AUTS2: variants seen among roughly 807,000 people sequenced by gnomAD.
AUTS2 encodes the protein autism susceptibility gene 2 protein.
A neutral mutation model predicts 112.4 loss-of-function variants in AUTS2; 17 were observed. The observed-to-expected ratio is 0.15, with a 90% CI of 0.10 to 0.23. AUTS2 has a LOEUF of 0.23. AUTS2 is among the 10% of genes least tolerant of loss of function. The pLI is 1.00. For synonymous variants in AUTS2, 751 were observed against 702.7 expected (o/e 1.07, Z -1.09); for missense variants, 1,510 against 1,701.6 (o/e 0.89, Z 1.98).
intron 6 of AUTS2, chr7:70,699,389 G>A (rs1365333933): frequency 6.6e-6 from 1 of 152,198 alleles, no homozygotes; most frequent in Non-Finnish European, 1.5e-5. Context: ...AAGTAAAGAT[G>A]TGCTTTCTGT....
At chr7:70,435,924 A>G in intron 5 of AUTS2, 143 bp downstream of exon 5, 1 of 819,352 alleles carries the variant, frequency 1.2e-6, no homozygotes, top group Admixed American at 2.3e-5. Context: ...TTATTCACAC[A>G]GTGACATTTC....
intron 6 of AUTS2, among the ~76,000 whole-genome samples, chr7:70,733,471 G>A (rs1585592447): frequency 6.6e-6 from 1 of 152,182 alleles, no homozygotes; most frequent in South Asian, 2.1e-4. Context: ...ATACAGAAAA[G>A]TGAAGATCAT....
chr7:70,429,211 A>G (rs1025469551), intron 4 of AUTS2, among the ~76,000 whole-genome samples: 34 of 152,232 alleles, frequency 2.2e-4, no homozygotes, highest in African/African-American at 6.0e-4. Flanking sequence ...ACAATACTCA[A>G]GAAGAATGAG....
chr7:69,876,325 C>CA lies in AUTS2; in HGVS notation c.310-22936dup, dbSNP rs1167965776. On this transcript the variant is annotated intron_variant, in intron 1 of 18. Coordinates refer to ENST00000342771, the MANE Select transcript of AUTS2 (RefSeq NM_015570.4). ...TGGGTGATGGAGCGAGACTCTGTCT[C>CA]AAAAAAAAAAAAAAAAAAAAAAAAA... Among the ~76,000 whole-genome samples the CA allele has an allele frequency of 2.1e-3, 56 of 26,172 alleles. 3 individuals carry two copies. The highest frequency in any genetic ancestry group is 7.6e-3 in the African/African-American group (37 of 4,892). 17.2% of individuals were successfully genotyped at this position (26,172 alleles called of 152,430 possible). A position where few individuals can be genotyped will look rare whatever the true frequency, so the allele number is the denominator to read the frequency against.
rs1791107536 is a variant in AUTS2, at chr7:70,781,852, C to T, written c.2146+96C>T. The T allele has an allele frequency of 8.1e-6, 12 of 1,484,268 alleles. No individual in the cohort carries two copies. The East Asian group carries it at 2.8e-4, about 34-fold the overall frequency. 91.9% of individuals were successfully genotyped at this position (1,484,268 alleles called of 1,614,324 possible). ...TGGGCTCTGAGCTGCCGCTCAGTCA[C>T]CACCTACAAAAATACAGTTAATGCC... On this transcript the variant is annotated intron_variant, in intron 15 of 18. Transcript: ENST00000342771.
chr7:70,608,388 AGT>A (rs1456654681), intron 5 of AUTS2, among the ~76,000 whole-genome samples: 9 of 152,294 alleles, frequency 5.9e-5, no homozygotes, highest in African/African-American at 1.9e-4. Flanking sequence ...TACAGGTGTG[AGT>A]CACTGCATCC....
At chr7:70,268,738 A>G (rs1214739260) in intron 4 of AUTS2, among the ~76,000 whole-genome samples, 1 of 152,180 alleles carries the variant, frequency 6.6e-6, no homozygotes, top group African/African-American at 2.4e-5. Context: ...GGGTTAGTTT[A>G]TTATTATTGC....
chr7:70,101,692 TCAAAAAA>T (rs1233156367), intron 2 of AUTS2, among the ~76,000 whole-genome samples: 3 of 151,694 alleles, frequency 2.0e-5, no homozygotes, highest in African/African-American at 7.3e-5. Context: ...GAGACCTATC[TCAAAAAA>T]CAAAAAACAA....
At chr7:70,691,277 G>A (rs909171737) in intron 5 of AUTS2, among the ~76,000 whole-genome samples, 1 of 152,086 alleles carries the variant, frequency 6.6e-6, no homozygotes, top group Admixed American at 6.5e-5. Context: ...CTTAGATTGG[G>A]TTCAGAGGCT....
chr7:70,786,158 T>C, intron 17 of AUTS2, 120 bp downstream of exon 17: 1 of 828,414 alleles, frequency 1.2e-6, no homozygotes. Context: ...GTGTAGGTTA[T>C]ATCACTGCAA....
chr7:70,593,260 A>G (rs185137041), intron 5 of AUTS2, among the ~76,000 whole-genome samples: 78 of 152,354 alleles, frequency 5.1e-4, no homozygotes, highest in Middle Eastern at 6.8e-3. Flanking sequence ...TAACACAAAT[A>G]AAGCACTTAG....
At chr7:70,363,466 A>G (rs10709865) in intron 4 of AUTS2, among the ~76,000 whole-genome samples, 2 of 37,504 alleles carry the variant, frequency 5.3e-5, no homozygotes, top group East Asian at 3.0e-3. Context: ...TAAAAAAAAG[A>G]AAAAAAAAAA....
Position 69,599,908 on chromosome 7 carries a change from G to A in AUTS2, c.255G>A (p.Glu85=). The A allele has an allele frequency of 6.2e-7, 1 of 1,613,662 alleles. No homozygotes were observed. The highest frequency in any genetic ancestry group is 1.1e-5 in the South Asian group (1 of 91,080). Residue 85 remains glutamate, a synonymous_variant, in exon 1 of 19, where the codon GAG becomes GAA. Transcript: ENST00000342771. This position sits in a 1 kb window ranked among gnomAD's most constrained non-coding sequence, Gnocchi z 7.0. ...RKRRESTSAE[E]DIIDGFAMTS... is the part of the protein sequence containing the mutation. ...GGAGAGAGTCCACCTCGGCAGAAGA[G>A]GACATCATTGATGGATTTGCCATGA...
intron 2 of AUTS2, among the ~76,000 whole-genome samples, chr7:70,073,544 C>T (rs1802889007): frequency 6.6e-6 from 1 of 151,758 alleles, no homozygotes; most frequent in Admixed American, 6.6e-5. Context: ...ATGGGTCAGC[C>T]TTGAGTAGTG....
At chr7:70,042,739 G>A (rs951049042) in intron 2 of AUTS2, among the ~76,000 whole-genome samples, 1 of 152,166 alleles carries the variant, frequency 6.6e-6, no homozygotes, top group African/African-American at 2.4e-5. Flanking sequence ...TCTGCATGAA[G>A]TCTTTATGAA....
chr7:70,681,911 C>T (rs188681053), intron 5 of AUTS2, among the ~76,000 whole-genome samples: 13 of 152,282 alleles, frequency 8.5e-5, no homozygotes, highest in Admixed American at 3.3e-4. Flanking sequence ...CTCCCGAGGC[C>T]GTCAGCAAAG....
intron 2 of AUTS2, among the ~76,000 whole-genome samples, chr7:70,092,414 G>A (rs1404282868): frequency 2.6e-5 from 4 of 152,120 alleles, no homozygotes; most frequent in Admixed American, 2.6e-4. Context: ...CGTGTTAAGT[G>A]TCTGTGGTAG....
At chr7:70,003,219 A>G (rs1482527856) in intron 2 of AUTS2, among the ~76,000 whole-genome samples, 1 of 134,594 alleles carries the variant, frequency 7.4e-6, no homozygotes, top group African/African-American at 2.8e-5. Flanking sequence ...AATATATTAT[A>G]TATGAATATA....
At chr7:70,403,988 G>A (rs962410243) in intron 4 of AUTS2, among the ~76,000 whole-genome samples, 1 of 152,192 alleles carries the variant, frequency 6.6e-6, no homozygotes, top group Non-Finnish European at 1.5e-5. Flanking sequence ...CAGAAAGCTT[G>A]GTGACATGGA....
Sources: gnomAD v4.1 joint callset for allele counts (sites outside exome capture counted in the v4.1 genomes callset) on GRCh38, gnomAD v4.1.1 for gene constraint, Gnocchi (gnomAD v3.1) non-coding constraint, MANE v1.5 for transcripts, NCBI Gene and HGNC (gene_info 2026-07-23, HGNC 2026-07-21) for gene names.